The following ITGA2 variants were observed in gnomAD, a reference collection of about 807,000 sequenced individuals.
The protein encoded by ITGA2 is integrin subunit alpha 2.
Under a neutral mutation model 146.3 loss-of-function variants are expected in ITGA2, and 101 were observed. That is an observed-to-expected ratio of 0.69 (90% CI 0.59 to 0.81). ITGA2 has a LOEUF of 0.81. Ranked by LOEUF, ITGA2 falls within the 40% of genes least tolerant of loss-of-function variation. The pLI, the probability that ITGA2 is intolerant of heterozygous loss-of-function variation, is 0.00. For synonymous variants in ITGA2, 477 were observed against 487.1 expected (o/e 0.98, Z 0.27); for missense variants, 1,281 against 1,402.7 (o/e 0.91, Z 1.39).
At chr5:53,071,220 CTT>C (rs1451542825) in intron 17 of ITGA2, among the ~76,000 whole-genome samples, 4 of 151,818 alleles carry the variant, frequency 2.6e-5, no homozygotes, top group Non-Finnish European at 5.9e-5. Context: ...ACGTAGACTT[CTT>C]TTTTGTTAAA....
intron 3 of ITGA2, among the ~76,000 whole-genome samples, chr5:53,042,877 G>A (rs1460474997): frequency 6.6e-6 from 1 of 152,104 alleles, no homozygotes; most frequent in Non-Finnish European, 1.5e-5. Flanking sequence ...GAATCACGGA[G>A]TTCCTCTGAA....
rs1274916042 is a variant in ITGA2 at position 53,055,700 on chromosome 5, T to C, written c.930+12T>C. The C allele has an allele frequency of 6.2e-7, 1 of 1,612,640 alleles. No homozygotes were observed. Among genetic ancestry groups the C allele is most frequent in the South Asian group, 1.1e-5 (1 of 91,060 alleles). On this transcript the variant is annotated intron_variant, in intron 8 of 29. Coordinates refer to ENST00000296585, the MANE Select transcript of ITGA2 (RefSeq NM_002203.4). ...GGTTTGGCATAGCAGTAAGTGGCTT[T>C]TCTTTTCACTTGTCTTGCCGCTATT...
At chr5:53,001,939 T>A (rs528212955) in intron 1 of ITGA2, among the ~76,000 whole-genome samples, 18 of 152,138 alleles carry the variant, frequency 1.2e-4, no homozygotes, top group Non-Finnish European at 2.1e-4. Flanking sequence ...TCTTGTTTTA[T>A]ATTTCTTGCA....
chr5:53,048,747 G>T lies in ITGA2; in HGVS notation c.607G>T (p.Asp203Tyr). Residue 203 changes from aspartate (D) to tyrosine (Y), a missense_variant, in exon 6 of 30, where the codon GAT becomes TAT. Physicochemically the swap from Asp to Tyr is radical, Grantham distance 160. Coordinates refer to ENST00000296585, the MANE Select transcript of ITGA2 (RefSeq NM_002203.4). ...TTTGGAAAAATTTGTACAAGGCCTG[G>T]ATATAGGCCCCACAAAGACACAGGT... ...NFLEKFVQGLDIGPTKTQVGL... is the reference protein window; with the variant it reads ...NFLEKFVQGLYIGPTKTQVGL... 1.9e-6 allele frequency: 3 copies of T among 1,613,878 alleles called. No homozygotes were observed. Among genetic ancestry groups the T allele is most frequent in the Non-Finnish European group, 2.5e-6 (3 of 1,179,836 alleles).
chr5:53,067,845 G>A lies in ITGA2; in HGVS notation c.2083+588G>A, dbSNP rs549157423. Among the ~76,000 whole-genome samples, 50 of 152,008 alleles carry A rather than the reference G, an allele frequency of 3.3e-4. 1 individual carries two copies. Among genetic ancestry groups the A allele is most frequent in the African/African-American group, 1.2e-3 (48 of 41,516 alleles). On this transcript the variant is annotated intron_variant, in intron 16 of 29. Transcript: ENST00000296585. Reference sequence around the variant, plus strand: ...TTGTGGGCAAGCATCAGCAGGAATTGTTGTCTTTTCTCTTGGGCTGGCCAA... The same window carrying A: ...TTGTGGGCAAGCATCAGCAGGAATTATTGTCTTTTCTCTTGGGCTGGCCAA...
chr5:53,007,310 A>T (rs1001255246), intron 1 of ITGA2, among the ~76,000 whole-genome samples: 3 of 152,134 alleles, frequency 2.0e-5, no homozygotes, highest in African/African-American at 7.2e-5. Context: ...GTCAGAAAAG[A>T]CCCTAACCAA....
intron 1 of ITGA2, among the ~76,000 whole-genome samples, chr5:52,991,857 C>G (rs1740976209): frequency 6.6e-6 from 1 of 152,096 alleles, no homozygotes; most frequent in Non-Finnish European, 1.5e-5. Flanking sequence ...AATGGGCAGT[C>G]TGAGGATGAA....
At chr5:53,049,974 C>T (rs3212496) in intron 6 of ITGA2, among the ~76,000 whole-genome samples, 169 of 152,202 alleles carry the variant, frequency 1.1e-3, no homozygotes, top group African/African-American at 3.2e-3. Context: ...TTTTCAGTAC[C>T]AAGAGTATCT....
intron 1 of ITGA2, among the ~76,000 whole-genome samples, chr5:53,011,021 G>A (rs1742098851): frequency 6.6e-6 from 1 of 152,132 alleles, no homozygotes; most frequent in Non-Finnish European, 1.5e-5. Flanking sequence ...GCCCCAAGAA[G>A]ATAGAAGAAA....
chr5:53,010,792 C>T (rs1742085645), intron 1 of ITGA2, among the ~76,000 whole-genome samples: 1 of 152,136 alleles, frequency 6.6e-6, no homozygotes, highest in Non-Finnish European at 1.5e-5. Context: ...GTCTTAATCA[C>T]TGGAACCAGT....
intron 1 of ITGA2, among the ~76,000 whole-genome samples, chr5:53,018,744 A>C (rs1384038002): frequency 6.6e-6 from 1 of 152,106 alleles, no homozygotes; most frequent in African/African-American, 2.4e-5. Flanking sequence ...TCATGTCTAA[A>C]ATTAGTGAAA....
chr5:53,033,798 C>A (rs62357232), intron 2 of ITGA2, among the ~76,000 whole-genome samples: 41,299 of 148,764 alleles, frequency 0.28, 5,748 homozygotes, highest in Admixed American at 0.33. Context: ...GAGTCTCACT[C>A]TTTTGCCCAG....
chr5:53,043,631 C>T (rs1743913706), intron 3 of ITGA2, among the ~76,000 whole-genome samples: 1 of 152,038 alleles, frequency 6.6e-6, no homozygotes, highest in Non-Finnish European at 1.5e-5. Flanking sequence ...GAAGGGGGAG[C>T]TGGGAAAAAC....
intron 28 of ITGA2, among the ~76,000 whole-genome samples, chr5:53,087,681 C>T (rs909626964): frequency 6.6e-6 from 1 of 151,488 alleles, no homozygotes; most frequent in Admixed American, 6.6e-5. Context: ...AACAAAGGCT[C>T]TCTGTTCTAA....
chr5:53,038,920 A>G (rs914285776), intron 2 of ITGA2, among the ~76,000 whole-genome samples: 13 of 152,164 alleles, frequency 8.5e-5, no homozygotes, highest in African/African-American at 3.1e-4. Flanking sequence ...ATGAAATGCC[A>G]TCTCTATTAA....
intron 26 of ITGA2, 41 bp from the exon 27 acceptor site, chr5:53,083,299 C>T: frequency 8.0e-7 from 1 of 1,257,506 alleles, no homozygotes. Flanking sequence ...TTAACTCTTA[C>T]TAACTTGCTC....
chr5:53,082,488 G>A (rs548992683), intron 26 of ITGA2, among the ~76,000 whole-genome samples: 1 of 152,240 alleles, frequency 6.6e-6, no homozygotes, highest in Non-Finnish European at 1.5e-5. Flanking sequence ...CTTGAACATA[G>A]GCCAATGTGT....
intron 13 of ITGA2, among the ~76,000 whole-genome samples, chr5:53,064,536 A>T (rs915828029): frequency 5.9e-5 from 9 of 151,566 alleles, no homozygotes; most frequent in African/African-American, 2.2e-4. Flanking sequence ...TTTTTATTTT[A>T]TCATATTTCT....
intron 2 of ITGA2, among the ~76,000 whole-genome samples, chr5:53,040,064 G>A (rs1242233372): frequency 6.6e-6 from 1 of 152,014 alleles, no homozygotes; most frequent in Non-Finnish European, 1.5e-5. Flanking sequence ...AGAGCCGGGG[G>A]ACTTCCTAGA....
Sources: gnomAD v4.1 joint callset for allele counts (sites outside exome capture counted in the v4.1 genomes callset) on GRCh38, gnomAD v4.1.1 for gene constraint, MANE v1.5 for transcripts, NCBI Gene and HGNC (gene_info 2026-07-23, HGNC 2026-07-21) for gene names.